ATXN10: variants seen among roughly 807,000 people sequenced by gnomAD.
ATXN10 encodes the protein ataxin 10, also known as ataxin-10.
Under a neutral mutation model 52.9 loss-of-function variants are expected in ATXN10, and 28 were observed. The ratio of observed to expected loss-of-function variants is 0.53; its 90% confidence interval spans 0.39 to 0.73. ATXN10 has a LOEUF of 0.73. Among genes scored for constraint, ATXN10 ranks in the 30% least tolerant of loss-of-function variants. ATXN10 has a pLI of 0.00. For missense variants in ATXN10, 565 were observed against 577.0 expected, an observed-to-expected ratio of 0.98 and a Z score of 0.21; for synonymous variants, 226 against 221.5, an observed-to-expected ratio of 1.02 and a Z score of -0.18.
Position 45,826,201 on chromosome 22 carries a change from G to C in ATXN10, c.1238-16790G>C, listed in dbSNP as rs1273837904. On this transcript the variant is annotated intron_variant, in intron 10 of 11. Coordinates refer to ENST00000252934, the MANE Select transcript of ATXN10 (RefSeq NM_013236.4). This position sits in a 1 kb window ranked among gnomAD's most constrained non-coding sequence, Gnocchi z 5.0. Reference sequence around the variant, plus strand: ...AATAAATTTACTAGAAGGATTCGAAGACAGATTTGAGCAGGGAGAAGGAAG... The same window carrying C: ...AATAAATTTACTAGAAGGATTCGAACACAGATTTGAGCAGGGAGAAGGAAG... 6.6e-6 allele frequency among the ~76,000 whole-genome samples: 1 copy of C among 152,176 alleles called. No individual in the cohort carries two copies. The highest frequency in any genetic ancestry group is 1.5e-5 in the Non-Finnish European group (1 of 68,044).
chr22:45,789,122 G>T lies in ATXN10; in HGVS notation c.1174-17837G>T, dbSNP rs1927420196. On this transcript the variant is annotated intron_variant, in intron 9 of 11. Transcript: ENST00000252934. This position sits in a 1 kb window ranked among gnomAD's most constrained non-coding sequence, Gnocchi z 4.0. Reference sequence around the variant, plus strand: ...ATCAGTGCTTCTTCAGACTGTATCAGCACATCTTCATGAGCTGAAAGGCTC... The same window carrying T: ...ATCAGTGCTTCTTCAGACTGTATCATCACATCTTCATGAGCTGAAAGGCTC... Among the ~76,000 whole-genome samples the T allele has an allele frequency of 6.6e-6, 1 of 152,184 alleles. No homozygotes were observed. The highest frequency in any genetic ancestry group is 2.1e-4 in the South Asian group (1 of 4,824).
Position 45,759,972 on chromosome 22 carries a change from T to C in ATXN10, c.1173+19434T>C, listed in dbSNP as rs961944855. 6.6e-6 allele frequency among the ~76,000 whole-genome samples: 1 copy of C among 152,176 alleles called. No homozygotes were observed. Among genetic ancestry groups the C allele is most frequent in the Non-Finnish European group, 1.5e-5 (1 of 68,036 alleles). ...TTCCATGCTGGCTGTTGTGTGCCAG[T>C]GTGCCAGGAGAGCATGGGGCAGGGG... On this transcript the variant is annotated intron_variant, in intron 9 of 11. Coordinates refer to ENST00000252934, the MANE Select transcript of ATXN10 (RefSeq NM_013236.4). The surrounding 1 kb of genome is among the most constrained non-coding windows in gnomAD (Gnocchi z 5.4).
At chr22:45,755,236 C>T (rs780281113) in intron 9 of ATXN10, among the ~76,000 whole-genome samples, 1 of 152,220 alleles carries the variant, frequency 6.6e-6, no homozygotes, top group Non-Finnish European at 1.5e-5. Context: ...GACCCTCTAT[C>T]CTTCCGATAT....
intron 9 of ATXN10, among the ~76,000 whole-genome samples, chr22:45,747,135 G>C (rs975781993): frequency 6.6e-6 from 1 of 152,098 alleles, no homozygotes; most frequent in Non-Finnish European, 1.5e-5. Context: ...CTCTTTCCCA[G>C]ATACATGTTT....
chr22:45,804,695 G>C (rs918965622), intron 9 of ATXN10, among the ~76,000 whole-genome samples: 2 of 152,122 alleles, frequency 1.3e-5, no homozygotes, highest in African/African-American at 4.8e-5. Context: ...AGATTAATTT[G>C]TATGTTTTCA....
rs769929258 is a variant in ATXN10, at chr22:45,769,445, A to G, written c.1173+28907A>G. On this transcript the variant is annotated intron_variant, in intron 9 of 11. Transcript: ENST00000252934. This position sits in a 1 kb window ranked among gnomAD's most constrained non-coding sequence, Gnocchi z 4.2. Reference sequence around the variant, plus strand: ...CCGATGAGGGCACAGAAGGCCCCCAATGCCACAGTATAGGGGGAATGGAGA... The same window carrying G: ...CCGATGAGGGCACAGAAGGCCCCCAGTGCCACAGTATAGGGGGAATGGAGA... Among the ~76,000 whole-genome samples, 23 of 152,162 alleles carry G rather than the reference A, an allele frequency of 1.5e-4. No homozygotes were observed. The highest frequency in any genetic ancestry group is 8.5e-4 in the Admixed American group (13 of 15,276).
rs1924978723 is a variant in ATXN10, at chr22:45,728,914, C to T, written c.729-511C>T. On this transcript the variant is annotated intron_variant, in intron 6 of 11. Transcript: ENST00000252934. This position sits in a 1 kb window ranked among gnomAD's most constrained non-coding sequence, Gnocchi z 4.3. The stretch of plus-strand genomic sequence containing the variant: ...GGCACAGATTGAATCCTAGCTTAGA[C>T]TCTCAGTGGTTTTGTGACACTGGAC... 6.6e-6 allele frequency among the ~76,000 whole-genome samples: 1 copy of T among 152,234 alleles called. No homozygotes were observed. The highest frequency in any genetic ancestry group is 1.5e-5 in the Non-Finnish European group (1 of 68,044).
At chr22:45,741,419 G>T (rs914288613) in intron 9 of ATXN10, among the ~76,000 whole-genome samples, 1 of 152,188 alleles carries the variant, frequency 6.6e-6, no homozygotes, top group Non-Finnish European at 1.5e-5. Flanking sequence ...CCGTCACTAT[G>T]TAAGAAGTAT....
At chr22:45,755,148 C>G (rs903905396) in intron 9 of ATXN10, among the ~76,000 whole-genome samples, 2 of 152,228 alleles carry the variant, frequency 1.3e-5, no homozygotes, top group Non-Finnish European at 2.9e-5. Context: ...TTCAGGACTT[C>G]CTGTGCCTGC....
intron 5 of ATXN10, among the ~76,000 whole-genome samples, chr22:45,717,579 T>C (rs926554199): frequency 3.3e-5 from 5 of 152,202 alleles, no homozygotes; most frequent in Non-Finnish European, 5.9e-5. Flanking sequence ...AAATAGAATA[T>C]GTATTTGGAT....
chr22:45,838,152 C>G (rs545838136), intron 10 of ATXN10, among the ~76,000 whole-genome samples: 1 of 152,164 alleles, frequency 6.6e-6, no homozygotes, highest in Admixed American at 6.5e-5. Flanking sequence ...TTATTAATAC[C>G]CTTACTGTGG....
rs147459109 is a variant in ATXN10, at chr22:45,771,028, C to G, written c.1173+30490C>G. ...CCTCCAATGCAAAATGGTACAGCCA[C>G]TACACCCTGGCAGCTTCCTATAAAA... is the stretch of plus-strand genomic sequence containing the variant. On this transcript the variant is annotated intron_variant, in intron 9 of 11. Coordinates refer to ENST00000252934, the MANE Select transcript of ATXN10 (RefSeq NM_013236.4). 3.2e-3 allele frequency among the ~76,000 whole-genome samples: 483 copies of G among 152,318 alleles called. 6 individuals are homozygous for G. Among genetic ancestry groups the G allele is most frequent in the African/African-American group, 0.011 (446 of 41,548 alleles).
chr22:45,736,908 A>T (rs1472323447), intron 7 of ATXN10, among the ~76,000 whole-genome samples: 1 of 152,104 alleles, frequency 6.6e-6, no homozygotes, highest in Non-Finnish European at 1.5e-5. Context: ...ATTATTGTTC[A>T]TTTTTTGTTT....
chr22:45,742,616 A>G (rs1010912557), intron 9 of ATXN10, among the ~76,000 whole-genome samples: 2 of 152,244 alleles, frequency 1.3e-5, no homozygotes, highest in African/African-American at 4.8e-5. Flanking sequence ...ATCAGTAGAA[A>G]TCATCTAGTC....
chr22:45,783,801 G>A lies in ATXN10; in HGVS notation c.1174-23158G>A, dbSNP rs1406487035. 1.3e-5 allele frequency among the ~76,000 whole-genome samples: 2 copies of A among 152,194 alleles called. No homozygotes were observed. The highest frequency in any genetic ancestry group is 4.8e-5 in the African/African-American group (2 of 41,442). On this transcript the variant is annotated intron_variant, in intron 9 of 11. Transcript: ENST00000252934. This position sits in a 1 kb window ranked among gnomAD's most constrained non-coding sequence, Gnocchi z 5.0. ...CCAGGTGTTAGCACACAGAGAAATA[G>A]GTCTTGGAAAAAGGACCTGAAAGTG...
chr22:45,708,525 C>T lies in ATXN10; in HGVS notation c.647+5678C>T, dbSNP rs924271868. Among the ~76,000 whole-genome samples the T allele has an allele frequency of 1.3e-5, 2 of 152,162 alleles. No homozygotes were observed. Among genetic ancestry groups the T allele is most frequent in the African/African-American group, 4.8e-5 (2 of 41,440 alleles). On this transcript the variant is annotated intron_variant, in intron 5 of 11. Coordinates refer to ENST00000252934, the MANE Select transcript of ATXN10 (RefSeq NM_013236.4). This position sits in a 1 kb window ranked among gnomAD's most constrained non-coding sequence, Gnocchi z 5.3. The stretch of plus-strand genomic sequence containing the variant: ...TGCAAGTGATGCCAAACTCGAGGGC[C>T]TATCCCATTTTTATTAATACCATGT...
In ATXN10 at chr22:45,786,501, C is replaced by T. The variant is rs1280007168; in HGVS notation, c.1174-20458C>T. 3.9e-5 allele frequency among the ~76,000 whole-genome samples: 6 copies of T among 152,330 alleles called. No homozygotes were observed. The East Asian group carries it at 7.7e-4, about 20-fold the overall frequency. ...TGCGAAGCTGGGCGCCAGTGCAGCC[C>T]GCACTTTATCACCCTTCCTGCCAGG... On this transcript the variant is annotated intron_variant, in intron 9 of 11. Transcript: ENST00000252934. The surrounding 1 kb of genome is among the most constrained non-coding windows in gnomAD (Gnocchi z 4.1).
intron 3 of ATXN10, among the ~76,000 whole-genome samples, chr22:45,699,949 C>T (rs983180524): frequency 2.5e-4 from 38 of 151,050 alleles, no homozygotes; most frequent in Admixed American, 2.4e-3. Flanking sequence ...CAGGTTCAAG[C>T]AATTCTCATG....
In ATXN10 at chr22:45,733,756, TA is replaced by T. The variant is rs80005624; in HGVS notation, c.894+4180del. ...GGGCGACAGAGCAAGACTCCCATCTTAAAAAAAAAAAAAAGTTACAAAGTTT... is the reference window on the plus strand; with the variant it reads ...GGGCGACAGAGCAAGACTCCCATCTTAAAAAAAAAAAAAGTTACAAAGTTT... On this transcript the variant is annotated intron_variant, in intron 7 of 11. Coordinates refer to ENST00000252934, the MANE Select transcript of ATXN10 (RefSeq NM_013236.4). This position sits in a 1 kb window ranked among gnomAD's most constrained non-coding sequence, Gnocchi z 4.4. Among the ~76,000 whole-genome samples, 263 of 141,464 alleles carry T rather than the reference TA, an allele frequency of 1.9e-3. No individual in the cohort carries two copies. The highest frequency in any genetic ancestry group is 2.1e-3 in the Admixed American group (30 of 14,200). The allele number at this position is 141,464 out of a possible 152,430, so 92.8% of individuals were successfully genotyped here. A position where few individuals can be genotyped will look rare whatever the true frequency, so the allele number is the denominator to read the frequency against.
Sources: allele counts gnomAD v4.1 joint callset (sites outside exome capture counted in the v4.1 genomes callset), GRCh38; gene constraint gnomAD v4.1.1; non-coding constraint Gnocchi (gnomAD v3.1); transcripts MANE v1.5; gene names NCBI Gene and HGNC (gene_info 2026-07-23, HGNC 2026-07-21).